CLTA: variants seen among roughly 807,000 people sequenced by gnomAD.
CLTA encodes the protein clathrin, light polypeptide (Lca).
In CLTA, 9 loss-of-function variants were observed where a neutral mutation model predicts 26.9. That is an observed-to-expected ratio of 0.33 (90% CI 0.20 to 0.58). CLTA has a LOEUF of 0.58. CLTA is among the 20% of genes least tolerant of loss of function. The pLI is 0.85. For synonymous variants in CLTA, 120 were observed against 115.5 expected (o/e 1.04, Z -0.25); for missense variants, 278 against 294.2 (o/e 0.94, Z 0.40).
intron 3 of CLTA, among the ~76,000 whole-genome samples, chr9:36,201,970 G>A (rs1441583160): frequency 6.6e-6 from 1 of 152,054 alleles, no homozygotes; most frequent in Non-Finnish European, 1.5e-5. Context: ...AATTAGCTGG[G>A]GGTTGTGGTG....
chr9:36,206,138 T>G (rs1410226810), intron 4 of CLTA, among the ~76,000 whole-genome samples: 1 of 152,124 alleles, frequency 6.6e-6, no homozygotes, highest in Non-Finnish European at 1.5e-5. Context: ...TACCTTTCTG[T>G]ACTTGGAACT....
At chr9:36,191,837 C>T (rs1826745183) in intron 1 of CLTA, among the ~76,000 whole-genome samples, 1 of 152,198 alleles carries the variant, frequency 6.6e-6, no homozygotes, top group Non-Finnish European at 1.5e-5. Flanking sequence ...GGAGAAAGAA[C>T]TGCCAAGCGC....
intron 1 of CLTA, among the ~76,000 whole-genome samples, chr9:36,195,433 A>G (rs886524732): frequency 1.3e-5 from 2 of 152,242 alleles, no homozygotes; most frequent in African/African-American, 4.8e-5. Flanking sequence ...AAAATTCAGT[A>G]AAGAAGAAAA....
intron 1 of CLTA, among the ~76,000 whole-genome samples, chr9:36,191,881 A>G (rs1826747983): frequency 6.6e-6 from 1 of 152,228 alleles, no homozygotes; most frequent in African/African-American, 2.4e-5. Flanking sequence ...CGATTGATTT[A>G]CAGCTAGGAC....
intron 3 of CLTA, among the ~76,000 whole-genome samples, chr9:36,203,724 T>C (rs1387503573): frequency 6.6e-6 from 1 of 152,256 alleles, no homozygotes; most frequent in Admixed American, 6.5e-5. Context: ...GCTTTTTTCC[T>C]ATTAATAATA....
intron 3 of CLTA, among the ~76,000 whole-genome samples, chr9:36,201,272 G>A (rs530085517): frequency 4.6e-5 from 7 of 152,272 alleles, no homozygotes; most frequent in South Asian, 2.1e-4. Context: ...GAGAAAGCAC[G>A]CGATGCTAAA....
intron 4 of CLTA, among the ~76,000 whole-genome samples, chr9:36,210,958 C>T (rs953339513): frequency 2.6e-5 from 4 of 152,238 alleles, no homozygotes; most frequent in Non-Finnish European, 2.9e-5. Context: ...TGCCAAAAAG[C>T]AACTCACGTT....
intron 4 of CLTA, among the ~76,000 whole-genome samples, chr9:36,206,798 G>C (rs140025713): frequency 7.9e-5 from 12 of 152,232 alleles, no homozygotes; most frequent in African/African-American, 2.2e-4. Flanking sequence ...GGGAGTCTGA[G>C]GCAGGAGAAT....
chr9:36,211,554 G>T, intron 4 of CLTA, 49 bp from the exon 5 acceptor site: 1 of 1,549,586 alleles, frequency 6.5e-7, no homozygotes, highest in Non-Finnish European at 8.8e-7. Context: ...CCACCAGGTT[G>T]CTCAAAGGGG....
chr9:36,209,004 C>T (rs879346506), intron 4 of CLTA, among the ~76,000 whole-genome samples: 4 of 152,138 alleles, frequency 2.6e-5, no homozygotes, highest in Admixed American at 6.6e-5. Flanking sequence ...AATAAATGCC[C>T]GTGTTGCTGG....
chr9:36,203,927 C>T, intron 3 of CLTA, 141 bp from the exon 4 acceptor site: 3 of 1,130,068 alleles, frequency 2.7e-6, no homozygotes, highest in Non-Finnish European at 3.7e-6. Flanking sequence ...GTTTATCTTC[C>T]CCTCTCTACT....
At chr9:36,191,874 T>C (rs1370264054) in intron 1 of CLTA, among the ~76,000 whole-genome samples, 9 of 152,200 alleles carry the variant, frequency 5.9e-5, no homozygotes, top group Admixed American at 5.9e-4. Context: ...CGTTGAGCGA[T>C]TGATTTACAG....
chr9:36,191,602 G>C (rs548005941), intron 1 of CLTA, among the ~76,000 whole-genome samples: 18 of 152,170 alleles, frequency 1.2e-4, no homozygotes, highest in Non-Finnish European at 2.1e-4. Flanking sequence ...TGAAGCAACC[G>C]CATTGGCGCA....
chr9:36,208,106 G>T (rs1827825074), intron 4 of CLTA, among the ~76,000 whole-genome samples: 1 of 152,322 alleles, frequency 6.6e-6, no homozygotes, highest in African/African-American at 2.4e-5. Flanking sequence ...AGTATGTGAG[G>T]TTAGCTTAAT....
In CLTA at chr9:36,210,717, G is replaced by A. The variant is rs372212225; in HGVS notation, c.486-886G>A. 1.1e-4 allele frequency: 172 copies of A among 1,606,180 alleles called. No individual in the cohort carries two copies. The African/African-American group carries it at 1.9e-3, about 18-fold the overall frequency. On this transcript the variant is annotated intron_variant, in intron 4 of 4. Coordinates refer to ENST00000345519, the MANE Select transcript of CLTA (RefSeq NM_001833.4). ...GTGTGTGCCATGAAGTCGCAGTGTT[G>A]TAGTGGCTCTGGGCTTCAGCGGTGT...
At chr9:36,209,758 T>A (rs1411381202) in intron 4 of CLTA, among the ~76,000 whole-genome samples, 2 of 152,158 alleles carry the variant, frequency 1.3e-5, no homozygotes, top group African/African-American at 4.8e-5. Flanking sequence ...AGCAGCACCT[T>A]GCATTGCCAA....
intron 1 of CLTA, among the ~76,000 whole-genome samples, chr9:36,195,677 A>G (rs1377697561): frequency 6.6e-6 from 1 of 152,178 alleles, no homozygotes; most frequent in Non-Finnish European, 1.5e-5. Flanking sequence ...TTTGAAATAC[A>G]TATCCTGGGC....
chr9:36,191,108 G>A lies in CLTA; in HGVS notation c.52G>A (p.Ala18Thr). The change falls in exon 1 of 5, where the codon GCG (alanine) becomes ACG (threonine). Residue 18 changes from alanine to threonine, a missense_variant. Transcript: ENST00000345519. ...CCCTGCCGGCGCCCCTGGCGGTCCC[G>A]CGCTGGGGAACGGAGTGGCCGGCGC... Reference protein sequence around the residue: ...GAPAGAPGGPALGNGVAGAGE... With the variant: ...GAPAGAPGGPTLGNGVAGAGE... 6.3e-7 allele frequency: 1 copy of A among 1,599,096 alleles called. No individual in the cohort carries two copies.
chr9:36,204,308 C>A, intron 4 of CLTA, 129 bp downstream of exon 4: 1 of 1,015,744 alleles, frequency 9.8e-7, no homozygotes, highest in Non-Finnish European at 1.4e-6. Context: ...AAAGAAAGTG[C>A]TTGAAACAGG....
Sources: allele counts gnomAD v4.1 joint callset (sites outside exome capture counted in the v4.1 genomes callset), GRCh38; gene constraint gnomAD v4.1.1; transcripts MANE v1.5; gene names NCBI Gene and HGNC (gene_info 2026-07-23, HGNC 2026-07-21).